ENTHD1: variants seen among roughly 807,000 people sequenced by gnomAD.
The protein encoded by ENTHD1 is ENTH domain containing 1.
A neutral mutation model predicts 39.1 loss-of-function variants in ENTHD1; 23 were observed. The ratio of observed to expected loss-of-function variants is 0.59; its 90% CI spans 0.42 to 0.83. The LOEUF (loss-of-function observed/expected upper bound fraction) is 0.83. ENTHD1 is among the 40% of genes least tolerant of loss of function. ENTHD1 has a pLI of 0.00. For synonymous variants in ENTHD1, 230 were observed against 258.2 expected, an observed-to-expected ratio of 0.89 and a Z score of 1.05; for missense variants, 624 against 705.4, an observed-to-expected ratio of 0.88 and a Z score of 1.31.
intron 5 of ENTHD1, among the ~76,000 whole-genome samples, chr22:39,815,157 A>G (rs970838884): frequency 6.6e-6 from 1 of 152,228 alleles, no homozygotes; most frequent in Non-Finnish European, 1.5e-5. Context: ...ATTTCATTAT[A>G]AGAAATACAT....
At chr22:39,744,373 G>A in intron 6 of ENTHD1, 90 bp from the exon 7 acceptor site, 1 of 1,220,672 alleles carries the variant, frequency 8.2e-7, no homozygotes, top group East Asian at 2.5e-5. Flanking sequence ...AAGCCTATCT[G>A]GAAGGGCTCA....
At chr22:39,890,021 CT>C (rs1285619453) in intron 1 of ENTHD1, among the ~76,000 whole-genome samples, 1 of 151,738 alleles carries the variant, frequency 6.6e-6, no homozygotes, top group East Asian at 1.9e-4. Context: ...TCACTGGAAC[CT>C]GGGAGGCAGA....
chr22:39,815,656 C>A (rs1017119739), intron 5 of ENTHD1, among the ~76,000 whole-genome samples: 3 of 152,236 alleles, frequency 2.0e-5, no homozygotes, highest in African/African-American at 4.8e-5. Flanking sequence ...ACTCCTGTCC[C>A]TGAGAACCAG....
intron 5 of ENTHD1, among the ~76,000 whole-genome samples, chr22:39,814,812 T>C (rs1242179959): frequency 6.6e-6 from 1 of 152,220 alleles, no homozygotes; most frequent in Non-Finnish European, 1.5e-5. Context: ...TGTTAGTCTA[T>C]ATAGAATTAT....
intron 6 of ENTHD1, among the ~76,000 whole-genome samples, chr22:39,757,239 ACTG>A (rs2065191999): frequency 6.6e-6 from 1 of 152,040 alleles, no homozygotes. Context: ...TGTAAATGGT[ACTG>A]TTTTAATTTC....
At chr22:39,841,363 G>A (rs1457261481) in intron 3 of ENTHD1, among the ~76,000 whole-genome samples, 1 of 152,206 alleles carries the variant, frequency 6.6e-6, no homozygotes, top group East Asian at 1.9e-4. Flanking sequence ...GAAACTACCA[G>A]TGAGTCTAAG....
chr22:39,773,795 G>A (rs1442128247), intron 5 of ENTHD1, among the ~76,000 whole-genome samples: 1 of 152,106 alleles, frequency 6.6e-6, no homozygotes, highest in East Asian at 1.9e-4. Context: ...CAAGTACTAA[G>A]CAACTACAAA....
chr22:39,809,522 GA>G (rs1255646429), intron 5 of ENTHD1, among the ~76,000 whole-genome samples: 1 of 152,160 alleles, frequency 6.6e-6, no homozygotes, highest in African/African-American at 2.4e-5. Context: ...GTAGGACTCA[GA>G]AAAAGGGCAC....
At chr22:39,797,106 G>A (rs944401772) in intron 5 of ENTHD1, among the ~76,000 whole-genome samples, 6 of 152,004 alleles carry the variant, frequency 3.9e-5, no homozygotes, top group South Asian at 2.1e-4. Context: ...TCCCTTTATC[G>A]TTACATAATG....
At chr22:39,810,586 C>G (rs1455733630) in intron 5 of ENTHD1, among the ~76,000 whole-genome samples, 1 of 152,208 alleles carries the variant, frequency 6.6e-6, no homozygotes, top group African/African-American at 2.4e-5. Flanking sequence ...ATGCCACCAT[C>G]AAAGATTTCA....
At chr22:39,763,601 C>T (rs1766219625) in intron 6 of ENTHD1, among the ~76,000 whole-genome samples, 1 of 152,062 alleles carries the variant, frequency 6.6e-6, no homozygotes, top group Non-Finnish European at 1.5e-5. Flanking sequence ...AATTTCCTTC[C>T]CCCTGGGATC....
intron 2 of ENTHD1, among the ~76,000 whole-genome samples, chr22:39,864,481 A>C (rs2066168707): frequency 6.6e-6 from 1 of 152,056 alleles, no homozygotes; most frequent in Admixed American, 6.5e-5. Context: ...TCACATTCGC[A>C]TTTATCATTA....
At chr22:39,845,705 T>C (rs1372058121) in intron 3 of ENTHD1, among the ~76,000 whole-genome samples, 2 of 152,198 alleles carry the variant, frequency 1.3e-5, no homozygotes, top group African/African-American at 4.8e-5. Context: ...ATTTAAAAAA[T>C]GTTTCTTGGC....
chr22:39,827,391 C>CA (rs961626424), intron 4 of ENTHD1, among the ~76,000 whole-genome samples: 5 of 151,262 alleles, frequency 3.3e-5, no homozygotes, highest in Admixed American at 3.3e-4. Context: ...TTCTATAAAG[C>CA]AAAAAAAGTC....
rs777386743 is a variant in ENTHD1, at chr22:39,861,930, C to T, written c.427G>A (p.Val143Met). 2.0e-5 allele frequency: 32 copies of T among 1,598,316 alleles called. No homozygotes were observed. Among genetic ancestry groups the T allele is most frequent in the Non-Finnish European group, 2.6e-5 (30 of 1,169,332 alleles). ...GTACGCTGTCTAGTCCGACATGCCA[C>T]TTCCCTCTCTTTACACAGCAATGGT... ...DEPLLCKERE[V>M]ACRTRQRTSH... The change falls in exon 3 of 7, where the codon GTG becomes ATG. Residue 143 changes from valine (V) to methionine (M), a missense_variant. Transcript: ENST00000325157.
At chr22:39,777,040 T>G (rs566568502) in intron 5 of ENTHD1, among the ~76,000 whole-genome samples, 1 of 152,306 alleles carries the variant, frequency 6.6e-6, no homozygotes, top group South Asian at 2.1e-4. Context: ...AGCAGAGAGC[T>G]GGCAAGCAGG....
intron 5 of ENTHD1, among the ~76,000 whole-genome samples, chr22:39,772,130 T>G (rs2065331405): frequency 1.3e-5 from 2 of 151,986 alleles, no homozygotes; most frequent in African/African-American, 4.8e-5. Context: ...CAGGGTGTGG[T>G]GGGGATGGTT....
At chr22:39,888,260 C>A (rs374103127) in intron 1 of ENTHD1, among the ~76,000 whole-genome samples, 1 of 110,656 alleles carries the variant, frequency 9.0e-6, no homozygotes, top group Non-Finnish European at 1.7e-5. Context: ...TTCTTTCTTT[C>A]TTTTTTTTTT....
At chr22:39,773,117 C>CAAAA (rs57398699) in intron 5 of ENTHD1, among the ~76,000 whole-genome samples, 5 of 36,140 alleles carry the variant, frequency 1.4e-4, no homozygotes, top group African/African-American at 3.1e-4. Context: ...GACCTCATCT[C>CAAAA]AAAAAAAAAA....
Sources: allele counts gnomAD v4.1 joint callset (sites outside exome capture counted in the v4.1 genomes callset), GRCh38; gene constraint gnomAD v4.1.1; transcripts MANE v1.5; gene names NCBI Gene and HGNC (gene_info 2026-07-23, HGNC 2026-07-21).